Variants in PUM2 observed in about 807,000 individuals in gnomAD.
PUM2 encodes the protein pumilio RNA binding family member 2.
In PUM2, 57 loss-of-function variants were observed where a neutral mutation model predicts 124.5. That is an observed-to-expected ratio of 0.46 (90% CI 0.37 to 0.57). The LOEUF is 0.57. Ranked by LOEUF, PUM2 falls within the 20% of genes least tolerant of loss-of-function variation. PUM2 has a pLI of 0.00. For synonymous variants in PUM2, 460 were observed against 446.1 expected (o/e 1.03, Z -0.39); for missense variants, 1,065 against 1,290.6 (o/e 0.83, Z 2.68).
rs200294801 is a variant in PUM2, at chr2:20,261,394, C to CAAAAAAAAAAAAAAAAAAAAA, written c.2226-949_2226-929dup. Among the ~76,000 whole-genome samples, 21 of 76,782 alleles carry CAAAAAAAAAAAAAAAAAAAAA rather than the reference C, an allele frequency of 2.7e-4. 3 individuals are homozygous for CAAAAAAAAAAAAAAAAAAAAA. The highest frequency in any genetic ancestry group is 4.9e-4 in the Non-Finnish European group (18 of 36,898). The allele number at this position is 76,782 out of a possible 152,430, so 50.4% of individuals were successfully genotyped here. A position where few individuals can be genotyped will look rare whatever the true frequency, so the allele number is the denominator to read the frequency against. On this transcript the variant is annotated intron_variant, in intron 14 of 20. Coordinates refer to ENST00000361078, the MANE Select transcript of PUM2 (RefSeq NM_015317.5). ...AAGCGACAGAGTGAGACTCTGTCTC[C>CAAAAAAAAAAAAAAAAAAAAA]AAAAAAAAAAAAAAAAAAAAAAAAA...
At chr2:20,311,940 T>C (rs1477613006) in intron 4 of PUM2, among the ~76,000 whole-genome samples, 1 of 152,194 alleles carries the variant, frequency 6.6e-6, no homozygotes, top group Non-Finnish European at 1.5e-5. Flanking sequence ...TAGACGATTT[T>C]GTTTAGTTAC....
intron 3 of PUM2, among the ~76,000 whole-genome samples, chr2:20,317,586 T>C (rs1369257916): frequency 1.3e-5 from 2 of 152,164 alleles, no homozygotes; most frequent in African/African-American, 4.8e-5. Context: ...GGGGGGTACA[T>C]GTGCAGGTTT....
At chr2:20,296,388 G>A (rs1294171865) in intron 8 of PUM2, among the ~76,000 whole-genome samples, 5 of 152,082 alleles carry the variant, frequency 3.3e-5, no homozygotes, top group African/African-American at 9.6e-5. Context: ...CCAGCTACTC[G>A]GGAGGCTGAG....
chr2:20,311,371 G>T, intron 5 of PUM2, 123 bp downstream of exon 5: 2 of 1,171,058 alleles, frequency 1.7e-6, no homozygotes, highest in Non-Finnish European at 2.3e-6. Flanking sequence ...AATTTGTCCA[G>T]ATTAACACAA....
chr2:20,310,114 ATTAG>A (rs1249630213), intron 5 of PUM2, among the ~76,000 whole-genome samples: 8 of 152,106 alleles, frequency 5.3e-5, no homozygotes, highest in Non-Finnish European at 8.8e-5. Context: ...TTGATGACAT[ATTAG>A]TTAATGTAGA....
rs535262603 is a variant in PUM2, at chr2:20,289,019, G to A, written c.1291+1633C>T. Among the ~76,000 whole-genome samples, 7 of 152,262 alleles carry A rather than the reference G, an allele frequency of 4.6e-5. No homozygotes were observed. The East Asian group carries it at 7.7e-4, about 17-fold the overall frequency. On this transcript the variant is annotated intron_variant, in intron 10 of 20. Transcript: ENST00000361078. ...TTTAAGACATGTTGTGTGGCTGGGC[G>A]TGGTGGCTCACATCTGTAATCCCAG...
At chr2:20,272,259 G>A (rs963102655) in intron 13 of PUM2, among the ~76,000 whole-genome samples, 2 of 152,196 alleles carry the variant, frequency 1.3e-5, no homozygotes, top group Non-Finnish European at 2.9e-5. Context: ...CCAGATAAAC[G>A]TGGGCTCAAA....
intron 15 of PUM2, 34 bp downstream of exon 15, chr2:20,260,303 A>G: frequency 6.3e-7 from 1 of 1,575,942 alleles, no homozygotes; most frequent in Non-Finnish European, 8.7e-7. Flanking sequence ...CAACAGCTGG[A>G]TGGGCGGATA....
intron 1 of PUM2, among the ~76,000 whole-genome samples, chr2:20,336,782 G>C (rs945330711): frequency 6.9e-6 from 1 of 144,848 alleles, no homozygotes; most frequent in Non-Finnish European, 1.5e-5. Flanking sequence ...GTGTGTGTGT[G>C]TGTGTGTGTG....
At chr2:20,352,136 T>C (rs1689399854), upstream of PUM2, 1 of 152,266 alleles carries the variant, frequency 6.6e-6, no homozygotes, top group Non-Finnish European at 1.5e-5. Flanking sequence ...TCTCTTCCTC[T>C]TACCCCGACT....
At chr2:20,339,359 GT>G (rs1391684688) in intron 1 of PUM2, among the ~76,000 whole-genome samples, 1 of 150,324 alleles carries the variant, frequency 6.7e-6, no homozygotes, top group African/African-American at 2.4e-5. Context: ...AAAAAAAAAA[GT>G]ACAATAAAAC....
At chr2:20,301,191 G>A (rs751449557) in intron 7 of PUM2, among the ~76,000 whole-genome samples, 4 of 152,138 alleles carry the variant, frequency 2.6e-5, no homozygotes, top group African/African-American at 7.2e-5. Context: ...CTGAGGCTGC[G>A]ACATGGGCAT....
In PUM2 at chr2:20,350,741, A is replaced by ACCT; in HGVS notation, c.-166_-164dup. ...ACCTACCACCCTCCCCCCCCACCCC[A>ACCT]CCTCCTCCTTCTCCTCCCCCTCCTC... On this transcript the variant is annotated 5_prime_UTR_variant, in exon 1 of 21. Transcript: ENST00000361078. 1.6e-5 allele frequency: 4 copies of ACCT among 254,826 alleles called. No homozygotes were observed. Among genetic ancestry groups the ACCT allele is most frequent in the Non-Finnish European group, 1.8e-5 (4 of 225,804 alleles). The allele number at this position is 254,826 out of a possible 1,614,324, so 15.8% of individuals were successfully genotyped here. A position where few individuals can be genotyped will look rare whatever the true frequency, so the allele number is the denominator to read the frequency against.
intron 3 of PUM2, among the ~76,000 whole-genome samples, chr2:20,313,835 CAA>C (rs35569645): frequency 2.0e-3 from 111 of 55,020 alleles, no homozygotes; most frequent in Non-Finnish European, 2.6e-3. Flanking sequence ...GATCCTGTCT[CAA>C]AAAAAAAAAA....
chr2:20,257,775 C>CA (rs1665168919), intron 16 of PUM2, among the ~76,000 whole-genome samples: 2 of 151,994 alleles, frequency 1.3e-5, no homozygotes, highest in Admixed American at 6.6e-5. Flanking sequence ...TTGTTTTTCT[C>CA]AAAAAATTAT....
intron 8 of PUM2, among the ~76,000 whole-genome samples, chr2:20,296,025 C>T (rs1338126696): frequency 6.6e-6 from 1 of 152,062 alleles, no homozygotes; most frequent in Admixed American, 6.5e-5. Flanking sequence ...TGTATTATAC[C>T]AACACTTTAC....
chr2:20,345,302 G>T (rs1023418560), intron 1 of PUM2, among the ~76,000 whole-genome samples: 2 of 151,832 alleles, frequency 1.3e-5, no homozygotes, highest in African/African-American at 2.4e-5. Context: ...TAGAGACAAG[G>T]TCTCCCTATG....
chr2:20,259,963 G>A (rs150093934), intron 15 of PUM2, among the ~76,000 whole-genome samples: 3 of 152,064 alleles, frequency 2.0e-5, no homozygotes, highest in Non-Finnish European at 4.4e-5. Flanking sequence ...TATGTTTTCC[G>A]ATTACAGTCA....
chr2:20,263,338 G>T lies in PUM2; in HGVS notation c.2080C>A (p.Arg694=). 6.2e-7 allele frequency: 1 copy of T among 1,614,144 alleles called. No homozygotes were observed. The highest frequency in any genetic ancestry group is 2.2e-5 in the East Asian group (1 of 44,884). Residue 694 remains arginine, a synonymous_variant, in exon 14 of 21, where the codon CGG becomes AGG. Coordinates refer to ENST00000361078, the MANE Select transcript of PUM2 (RefSeq NM_015317.5). ...ATATCAGACCTATTATACCGAAGCC[G>T]GGAAGGAGGAAAGAGCTGGCTGCTG... ...SSSSQLFPPS[R]LRYNRSDIMP... is the part of the protein sequence containing the mutation.
Sources: gnomAD v4.1 joint callset for allele counts (sites outside exome capture counted in the v4.1 genomes callset) on GRCh38, gnomAD v4.1.1 for gene constraint, MANE v1.5 for transcripts, NCBI Gene and HGNC (gene_info 2026-07-23, HGNC 2026-07-21) for gene names.